Variants in ZNF253 observed in about 807,000 individuals in gnomAD.
The protein encoded by ZNF253 is DNA-binding protein.
In ZNF253, 8 loss-of-function variants were observed where a neutral mutation model predicts 11.9. That is an observed-to-expected ratio of 0.67 (90% CI 0.40 to 1.22). ZNF253 has a LOEUF of 1.22. ZNF253 is among the 50% of genes most tolerant of loss of function. ZNF253 has a pLI of 0.01. For missense variants in ZNF253, 485 were observed against 586.9 expected (o/e 0.83, Z 1.79); for synonymous variants, 194 against 194.9 (o/e 1.00, Z 0.04).
At chr19:19,880,524 G>T (rs1004514111) in intron 3 of ZNF253, among the ~76,000 whole-genome samples, 2 of 151,978 alleles carry the variant, frequency 1.3e-5, no homozygotes, top group Non-Finnish European at 2.9e-5. Flanking sequence ...GACCAACATG[G>T]TGAAACTCCG....
In ZNF253 at chr19:19,893,216, G is replaced by A. The variant is rs1364287980; in HGVS notation, c.*469G>A. On this transcript the variant is annotated 3_prime_UTR_variant, in exon 4 of 4. Transcript: ENST00000589717. ...TGGTCTCGAACTCCTGACCTCAGGT[G>A]ATCCACCTGCCTTGGCCTTCCAAAG... The A allele has an allele frequency of 6.3e-6, 1 of 158,826 alleles. No homozygotes were observed. Among genetic ancestry groups the A allele is most frequent in the African/African-American group, 2.4e-5 (1 of 41,454 alleles). The allele number at this position is 158,826 out of a possible 1,614,324, so 9.8% of individuals were successfully genotyped here.
chr19:19,890,263 A>AAG (rs1276685526), intron 3 of ZNF253, among the ~76,000 whole-genome samples: 3 of 152,160 alleles, frequency 2.0e-5, no homozygotes, highest in African/African-American at 7.2e-5. Context: ...ATAATCAGTA[A>AAG]TCACTTGCTA....
At chr19:19,867,690 G>A (rs937405483) in intron 1 of ZNF253, among the ~76,000 whole-genome samples, 3 of 152,152 alleles carry the variant, frequency 2.0e-5, no homozygotes, top group African/African-American at 7.2e-5. Flanking sequence ...TCTTTATCCA[G>A]TCTACCACTG....
chr19:19,868,770 C>T (rs545269834), intron 1 of ZNF253, among the ~76,000 whole-genome samples: 4 of 152,078 alleles, frequency 2.6e-5, no homozygotes, highest in Admixed American at 6.5e-5. Context: ...CTTCATGGCA[C>T]GTGTATACCT....
chr19:19,869,983 T>C, intron 1 of ZNF253, among the ~76,000 whole-genome samples: 1 of 152,230 alleles, frequency 6.6e-6, no homozygotes, highest in Admixed American at 6.5e-5. Flanking sequence ...TACAATAGTA[T>C]GAACATAAAG....
At chr19:19,882,320 TTC>T (rs2063181398) in intron 3 of ZNF253, among the ~76,000 whole-genome samples, 1 of 152,168 alleles carries the variant, frequency 6.6e-6, no homozygotes, top group Non-Finnish European at 1.5e-5. Context: ...GGTAAAGATC[TTC>T]TTTTATTGGG....
intron 1 of ZNF253, among the ~76,000 whole-genome samples, chr19:19,866,946 T>G (rs913824757): frequency 6.6e-6 from 1 of 151,186 alleles, no homozygotes; most frequent in African/African-American, 2.5e-5. Flanking sequence ...TACAAAGAGG[T>G]ACAAAAAAGT....
chr19:19,865,869 G>T, upstream of ZNF253: 1 of 1,232,844 alleles, frequency 8.1e-7, no homozygotes, highest in Non-Finnish European at 1.2e-6. Flanking sequence ...TCTCGCTGCA[G>T]CGGGAGCTCC....
At chr19:19,885,342 CTTTCTTTCTTTCTTCCTTTCTTTT>C (rs1568499258) in intron 3 of ZNF253, among the ~76,000 whole-genome samples, 9 of 64,474 alleles carry the variant, frequency 1.4e-4, no homozygotes, top group East Asian at 9.4e-4. Flanking sequence ...TTCTTTCTTT[CTTTCTTTCTTTCTTCCTTTCTTTT>C]CTTTCTTTTC....
At chr19:19,884,400 C>A (rs1239380417) in intron 3 of ZNF253, among the ~76,000 whole-genome samples, 1 of 151,214 alleles carries the variant, frequency 6.6e-6, no homozygotes, top group Admixed American at 6.6e-5. Flanking sequence ...GAGATCGAGT[C>A]TCCCGCTGTC....
At chr19:19,884,475 G>A (rs1042546653) in intron 3 of ZNF253, among the ~76,000 whole-genome samples, 11 of 151,916 alleles carry the variant, frequency 7.2e-5, no homozygotes, top group Admixed American at 3.9e-4. Flanking sequence ...GGGTTCAAGC[G>A]ATTCTCCTAC....
chr19:19,879,986 C>A, intron 2 of ZNF253, 65 bp from the exon 3 acceptor site: 3 of 1,048,918 alleles, frequency 2.9e-6, no homozygotes, highest in African/African-American at 1.6e-5. Flanking sequence ...CTCTGCTGAG[C>A]ACAGTACTAG....
At chr19:19,875,979 T>A (rs1599552056) in intron 1 of ZNF253, among the ~76,000 whole-genome samples, 1 of 151,886 alleles carries the variant, frequency 6.6e-6, no homozygotes, top group Admixed American at 6.6e-5. Flanking sequence ...ATGTTGTTTT[T>A]TAAATATAGA....
At chr19:19,890,721 C>T (rs571893516) in intron 3 of ZNF253, among the ~76,000 whole-genome samples, 1 of 152,008 alleles carries the variant, frequency 6.6e-6, no homozygotes, top group Non-Finnish European at 1.5e-5. Flanking sequence ...TGGGGTTTCA[C>T]CATGTTGGTC....
At chr19:19,884,293 G>A (rs1380384257) in intron 3 of ZNF253, among the ~76,000 whole-genome samples, 1 of 152,022 alleles carries the variant, frequency 6.6e-6, no homozygotes, top group Non-Finnish European at 1.5e-5. Flanking sequence ...GTGAATACTG[G>A]TACAATAAAC....
chr19:19,885,841 C>T (rs1466913547), intron 3 of ZNF253, among the ~76,000 whole-genome samples: 1 of 152,110 alleles, frequency 6.6e-6, no homozygotes, highest in African/African-American at 2.4e-5. Context: ...CATCTTTGAA[C>T]AATGAAATTT....
In ZNF253 at chr19:19,891,899, C is replaced by A. The variant is rs551669299; in HGVS notation, c.652C>A (p.His218Asn). Residue 218 changes from histidine to asparagine, a missense_variant, in exon 4 of 4, where the codon CAT (histidine) becomes AAT (asparagine). Physicochemically the swap from His to Asn is moderately conservative, Grantham distance 68 (BLOSUM62 1). This residue lies in a region of ZNF253 where 218 missense variants were observed against 213.1 expected (regional missense o/e 1.02). Coordinates refer to ENST00000589717, the MANE Select transcript of ZNF253 (RefSeq NM_021047.3). The part of the protein sequence containing the change: ...AFNQSANLTT[H>N]KRIHTGEKPY... ...TAACCAATCTGCAAACCTTACTACA[C>A]ATAAGAGAATTCATACCGGAGAGAA... is the stretch of plus-strand genomic sequence containing the variant. 1.2e-6 allele frequency: 2 copies of A among 1,613,944 alleles called. No homozygotes were observed. The highest frequency in any genetic ancestry group is 2.2e-5 in the South Asian group (2 of 91,070).
At chr19:19,875,220 A>C (rs1568495215) in intron 1 of ZNF253, among the ~76,000 whole-genome samples, 1 of 152,180 alleles carries the variant, frequency 6.6e-6, no homozygotes. Context: ...AGAAAAACAA[A>C]GTATGTATTA....
At chr19:19,875,537 G>A (rs957061183) in intron 1 of ZNF253, among the ~76,000 whole-genome samples, 2 of 151,812 alleles carry the variant, frequency 1.3e-5, no homozygotes, top group African/African-American at 2.4e-5. Context: ...CTGGAACTAC[G>A]GGCACCCACC....
Sources: allele counts gnomAD v4.1 joint callset (sites outside exome capture counted in the v4.1 genomes callset), GRCh38; gene constraint gnomAD v4.1.1; regional missense constraint gnomAD v4.1.1; transcripts MANE v1.5; gene names NCBI Gene and HGNC (gene_info 2026-07-23, HGNC 2026-07-21).